The following DLGAP1 variants were observed in gnomAD, a reference collection of about 807,000 sequenced individuals.
DLGAP1 encodes DLG associated protein 1.
DLGAP1 carries 11 observed loss-of-function variants against 90.8 expected under a neutral mutation model. The ratio of observed to expected loss-of-function variants is 0.12; its 90% CI spans 0.08 to 0.20. The LOEUF is 0.20. Among genes scored for constraint, DLGAP1 ranks in the 10% least tolerant of loss-of-function variants. DLGAP1 has a pLI of 1.00. For synonymous variants in DLGAP1, 558 were observed against 540.7 expected (o/e 1.03, Z -0.44); for missense variants, 1,050 against 1,333.8 (o/e 0.79, Z 3.31).
At chr18:4,173,297 T>C (rs2077053587) in intron 1 of DLGAP1, among the ~76,000 whole-genome samples, 1 of 152,180 alleles carries the variant, frequency 6.6e-6, no homozygotes, top group Non-Finnish European at 1.5e-5. Context: ...TAGCTAGATA[T>C]ATAGACTTTC....
Position 3,694,930 on chromosome 18 carries a change from GT to G in DLGAP1, c.1591+34204del, listed in dbSNP as rs894181264. The stretch of plus-strand genomic sequence containing the variant: ...GGCTTTTGTCCCTATTGCTTTTGGT[GT>G]TTTTTTTGTTTTTTTTTTTTTTTTT... On this transcript the variant is annotated intron_variant, in intron 7 of 12. Coordinates refer to ENST00000315677, the MANE Select transcript of DLGAP1 (RefSeq NM_004746.4). Among the ~76,000 whole-genome samples, 212 of 128,116 alleles carry G rather than the reference GT, an allele frequency of 1.7e-3. 1 individual carries two copies. The highest frequency in any genetic ancestry group is 4.8e-3 in the African/African-American group (162 of 33,454). 84.0% of individuals were successfully genotyped at this position (128,116 alleles called of 152,430 possible).
intron 1 of DLGAP1, among the ~76,000 whole-genome samples, chr18:4,186,794 C>A (rs1420703286): frequency 6.6e-6 from 1 of 151,836 alleles, no homozygotes; most frequent in Non-Finnish European, 1.5e-5. Context: ...AAAATAGTTT[C>A]TGTGAAGAAT....
chr18:4,297,010 A>G (rs1216104283), intron 1 of DLGAP1, among the ~76,000 whole-genome samples: 1 of 152,216 alleles, frequency 6.6e-6, no homozygotes, highest in Non-Finnish European at 1.5e-5. Context: ...TACTTCACCT[A>G]AATTAAGAGT....
rs533778685 is a variant in DLGAP1, at chr18:4,278,479, A to G, written c.-266-127192T>C. ...CCCAGTCTCCAGTGATTATTAGTTCACACTCTATGTCCATGTGTACACATT... is the reference window on the plus strand; with the variant it reads ...CCCAGTCTCCAGTGATTATTAGTTCGCACTCTATGTCCATGTGTACACATT... On this transcript the variant is annotated intron_variant, in intron 1 of 12. Transcript: ENST00000315677. Among the ~76,000 whole-genome samples the G allele has an allele frequency of 2.0e-5, 3 of 152,176 alleles. No individual in the cohort carries two copies. The East Asian group carries it at 5.8e-4, about 29-fold the overall frequency.
At chr18:3,500,041 T>C (rs917526114) in intron 12 of DLGAP1, among the ~76,000 whole-genome samples, 1 of 152,168 alleles carries the variant, frequency 6.6e-6, no homozygotes, top group Non-Finnish European at 1.5e-5. Context: ...GCCATTGATA[T>C]TTCCTACACT....
chr18:4,107,309 A>G (rs1477817018), intron 2 of DLGAP1, among the ~76,000 whole-genome samples: 1 of 152,174 alleles, frequency 6.6e-6, no homozygotes, highest in Non-Finnish European at 1.5e-5. Context: ...CACACAGTGA[A>G]TTTTCCACCG....
rs755139099 is a variant in DLGAP1 at position 3,729,293 on chromosome 18, G to T, written c.1433C>A (p.Ala478Glu). The T allele has an allele frequency of 6.2e-7, 1 of 1,614,098 alleles. No homozygotes were observed. Among genetic ancestry groups the T allele is most frequent in the South Asian group, 1.1e-5 (1 of 91,076 alleles). ...GCAGCCGGGCATGGGCAGGTCCAGC[G>T]CTTCCACGGCCTGCGACTCCAGCTC... ...FSELESQAVE[A>E]LDLPMPGCFR... is the part of the protein sequence containing the mutation. The change falls in exon 7 of 13, where the codon GCG becomes GAG. Residue 478 changes from alanine to glutamate, a missense_variant. Ala to Glu is a moderately radical substitution (Grantham distance 107). Coordinates refer to ENST00000315677, the MANE Select transcript of DLGAP1 (RefSeq NM_004746.4). This position sits in a 1 kb window ranked among gnomAD's most constrained non-coding sequence, Gnocchi z 6.2.
intron 1 of DLGAP1, among the ~76,000 whole-genome samples, chr18:4,194,247 A>G (rs972701677): frequency 6.6e-6 from 1 of 152,182 alleles, no homozygotes; most frequent in Admixed American, 6.6e-5. Flanking sequence ...TATAACTGAA[A>G]GCACGCAGTA....
At chr18:4,157,494 A>G (rs898146732) in intron 1 of DLGAP1, among the ~76,000 whole-genome samples, 2 of 152,284 alleles carry the variant, frequency 1.3e-5, no homozygotes, top group South Asian at 2.1e-4. Flanking sequence ...TTGGTTCCTC[A>G]TTTGTGTATA....
At chr18:4,282,424 T>C (rs2145439559) in intron 1 of DLGAP1, among the ~76,000 whole-genome samples, 1 of 151,516 alleles carries the variant, frequency 6.6e-6, no homozygotes, top group Admixed American at 6.6e-5. Flanking sequence ...CAAAATGATT[T>C]GTGAACAAAG....
At chr18:3,635,555 C>T (rs1340500394) in intron 7 of DLGAP1, among the ~76,000 whole-genome samples, 1 of 151,480 alleles carries the variant, frequency 6.6e-6, no homozygotes. Context: ...AGGACAACCT[C>T]CTGGGGACCA....
At chr18:4,185,711 T>C (rs2077282273) in intron 1 of DLGAP1, among the ~76,000 whole-genome samples, 1 of 152,172 alleles carries the variant, frequency 6.6e-6, no homozygotes, top group South Asian at 2.1e-4. Context: ...GTTGATTTCA[T>C]GTCTTTGCAA....
rs112009802 is a variant in DLGAP1 at position 4,271,811 on chromosome 18, A to G, written c.-266-120524T>C. On this transcript the variant is annotated intron_variant, in intron 1 of 12. Coordinates refer to ENST00000315677, the MANE Select transcript of DLGAP1 (RefSeq NM_004746.4). ...TTCTGCTTCAAATATAATGATGTAAATATTGATTATGCTGAAATGACTTAA... is the reference window on the plus strand; with the variant it reads ...TTCTGCTTCAAATATAATGATGTAAGTATTGATTATGCTGAAATGACTTAA... Among the ~76,000 whole-genome samples the G allele has an allele frequency of 4.6e-4, 70 of 152,304 alleles. 2 individuals are homozygous for G. Among genetic ancestry groups the G allele is most frequent in the African/African-American group, 1.4e-3 (60 of 41,568 alleles).
chr18:4,396,022 T>A (rs934499229), intron 1 of DLGAP1, among the ~76,000 whole-genome samples: 5 of 152,116 alleles, frequency 3.3e-5, no homozygotes, highest in Non-Finnish European at 5.9e-5. Flanking sequence ...TGAAGGAGCA[T>A]CCACTAACAG....
chr18:3,829,950 G>A (rs763423118), intron 4 of DLGAP1, among the ~76,000 whole-genome samples: 3 of 152,100 alleles, frequency 2.0e-5, no homozygotes, highest in African/African-American at 4.8e-5. Flanking sequence ...AGACAGGGCC[G>A]CTGCAGTGCT....
At chr18:4,191,801 G>T (rs974710240) in intron 1 of DLGAP1, among the ~76,000 whole-genome samples, 1 of 152,104 alleles carries the variant, frequency 6.6e-6, no homozygotes, top group Non-Finnish European at 1.5e-5. Context: ...GCATCCTCTA[G>T]AGCACTTGTC....
intron 3 of DLGAP1, among the ~76,000 whole-genome samples, chr18:3,917,180 T>C (rs1429947050): frequency 2.6e-5 from 4 of 152,240 alleles, no homozygotes; most frequent in Non-Finnish European, 4.4e-5. Flanking sequence ...CTGTACTAAA[T>C]GCATTTTTGA....
At chr18:3,753,603 A>G (rs1011668680) in intron 5 of DLGAP1, among the ~76,000 whole-genome samples, 19 of 152,196 alleles carry the variant, frequency 1.2e-4, no homozygotes, top group African/African-American at 3.4e-4. Flanking sequence ...GGATGTGTGC[A>G]TGCTGAGGAA....
intron 4 of DLGAP1, chr18:3,874,422 G>T: frequency 5.6e-6 from 8 of 1,437,796 alleles, no homozygotes; most frequent in Non-Finnish European, 5.4e-6. Flanking sequence ...TTAACAGTTG[G>T]AAATCTAAAA....
Sources: gnomAD v4.1 joint callset for allele counts (sites outside exome capture counted in the v4.1 genomes callset) on GRCh38, gnomAD v4.1.1 for gene constraint, Gnocchi (gnomAD v3.1) non-coding constraint, MANE v1.5 for transcripts, NCBI Gene and HGNC (gene_info 2026-07-23, HGNC 2026-07-21) for gene names.